The following CARD19 variants were observed in gnomAD, a reference collection of about 807,000 sequenced individuals.
CARD19 encodes caspase recruitment domain family member 19.
A neutral mutation model predicts 24.1 loss-of-function variants in CARD19; 25 were observed. That is an observed-to-expected ratio of 1.04 (90% CI 0.76 to 1.45). The LOEUF is 1.45. CARD19 is among the 40% of genes most tolerant of loss of function. CARD19 has a pLI of 0.00. For synonymous variants in CARD19, 103 were observed against 104.9 expected (o/e 0.98, Z 0.11); for missense variants, 241 against 247.4 (o/e 0.97, Z 0.17).
rs745319673 is a variant in CARD19 at position 93,107,775 on chromosome 9, C to T, written c.109C>T (p.Arg37Cys). 19 of 1,614,216 alleles carry T rather than the reference C, an allele frequency of 1.2e-5. No homozygotes were observed. Among genetic ancestry groups the T allele is most frequent in the Non-Finnish European group, 1.6e-5 (19 of 1,180,042 alleles). Residue 37 changes from arginine (R) to cysteine (C), a missense_variant, in exon 2 of 6, where the codon CGT becomes TGT. Transcript: ENST00000375464. ...QVDRIILQLN[R>C]YYPQILTNKE... ...GGACAGGATCATCCTCCAGCTGAAC[C>T]GTTACTACCCACAGATCCTTACCAA...
rs572489732 is a variant in CARD19 at position 93,106,847 on chromosome 9, G to A, written c.8-827G>A. ...ACAAGCTGCCACAAGTATGTAGGGT[G>A]ATGCACTTGTTCAGTCCCTGTGGGG... On this transcript the variant is annotated intron_variant, in intron 1 of 5. Transcript: ENST00000375464. 5.9e-5 allele frequency among the ~76,000 whole-genome samples: 9 copies of A among 152,258 alleles called. No individual in the cohort carries two copies. In the East Asian group the frequency reaches 1.7e-3, roughly 29 times the overall value.
chr9:93,111,335 A>T, intron 3 of CARD19: 2 of 1,121,838 alleles, frequency 1.8e-6, no homozygotes, highest in Non-Finnish European at 2.2e-6. Context: ...GGGCATATCA[A>T]GTTGAAGATG....
chr9:93,100,968 A>G (rs1209189984), intron 1 of CARD19, among the ~76,000 whole-genome samples: 6 of 152,196 alleles, frequency 3.9e-5, no homozygotes, highest in Non-Finnish European at 7.3e-5. Context: ...TTGATAATTC[A>G]TTCGTCTTTT....
intron 5 of CARD19, 148 bp downstream of exon 5, chr9:93,112,437 G>C (rs369415348): frequency 1.3e-4 from 88 of 680,178 alleles, no homozygotes; most frequent in African/African-American, 9.0e-4. Context: ...ACCTCGCAGG[G>C]CTCCTGAGAA....
chr9:93,106,414 T>TAGAAAAAAAA (rs1827255626), intron 1 of CARD19, among the ~76,000 whole-genome samples: 2 of 102,920 alleles, frequency 1.9e-5, no homozygotes, highest in East Asian at 2.7e-4. Flanking sequence ...CTGTCTCTAC[T>TAGAAAAAAAA]AAAAAAAAAA....
chr9:93,102,233 A>G (rs1564206926), intron 1 of CARD19, among the ~76,000 whole-genome samples: 1 of 151,896 alleles, frequency 6.6e-6, no homozygotes, highest in African/African-American at 2.4e-5. Flanking sequence ...TAGCCTCCCA[A>G]AGTGCTGGGA....
At chr9:93,107,952 C>A in intron 2 of CARD19, 136 bp downstream of exon 2, 1 of 1,198,158 alleles carries the variant, frequency 8.3e-7, no homozygotes, top group Non-Finnish European at 1.2e-6. Flanking sequence ...TCAGAGGTGA[C>A]ACATCTGGAC....
At chr9:93,112,179 A>T in intron 4 of CARD19, 39 bp from the exon 5 acceptor site, 1 of 1,536,534 alleles carries the variant, frequency 6.5e-7, no homozygotes, top group Non-Finnish European at 8.8e-7. Context: ...CACCCCTCTG[A>T]GGCCCAGGGG....
At chr9:93,104,257 G>A (rs1827175237) in intron 1 of CARD19, among the ~76,000 whole-genome samples, 1 of 152,168 alleles carries the variant, frequency 6.6e-6, no homozygotes, top group Non-Finnish European at 1.5e-5. Flanking sequence ...GTATTGGTCT[G>A]TAGTGTTCTT....
intron 1 of CARD19, among the ~76,000 whole-genome samples, chr9:93,100,943 G>A (rs1827055259): frequency 6.6e-6 from 1 of 152,116 alleles, no homozygotes; most frequent in East Asian, 1.9e-4. Flanking sequence ...ATTGTACATA[G>A]GTATATACCA....
intron 2 of CARD19, chr9:93,110,266 A>G (rs1827413938): frequency 2.6e-5 from 9 of 351,294 alleles, no homozygotes; most frequent in Admixed American, 4.4e-5. Flanking sequence ...AAGTGCTGGG[A>G]TTACAGGCAT....
intron 2 of CARD19, 58 bp downstream of exon 2, chr9:93,107,874 G>A: frequency 6.2e-7 from 1 of 1,603,320 alleles, no homozygotes; most frequent in East Asian, 2.2e-5. Context: ...TCCTTTCTGG[G>A]CTGGGAGAAG....
chr9:93,101,044 G>A lies in CARD19; in HGVS notation c.7+4692G>A, dbSNP rs1827059883. On this transcript the variant is annotated intron_variant, in intron 1 of 5. Coordinates refer to ENST00000375464, the MANE Select transcript of CARD19 (RefSeq NM_032310.5). Reference sequence around the variant, plus strand: ...ATAGTGCTGCTATGAAAACCAGTGTGCAAGTATCCATTTGAGTTCCTGCAT... The same window carrying A: ...ATAGTGCTGCTATGAAAACCAGTGTACAAGTATCCATTTGAGTTCCTGCAT... 2.0e-5 allele frequency among the ~76,000 whole-genome samples: 3 copies of A among 150,270 alleles called. No homozygotes were observed. In the South Asian group the frequency reaches 6.3e-4, roughly 32 times the overall value.
chr9:93,111,822 T>A lies in CARD19; in HGVS notation c.305-57T>A. ...AACCTTGGGCTTCCTGCGGGGTGAC[T>A]ACCTTGCCCTCCGGCCCTGCCCGTT... On this transcript the variant is annotated intron_variant, in intron 3 of 5. Coordinates refer to ENST00000375464, the MANE Select transcript of CARD19 (RefSeq NM_032310.5). The A allele has an allele frequency of 5.0e-6, 8 of 1,590,870 alleles. No individual in the cohort carries two copies. The South Asian group carries it at 8.9e-5, about 18-fold the overall frequency.
intron 1 of CARD19, among the ~76,000 whole-genome samples, chr9:93,100,268 AG>A (rs1827029239): frequency 1.3e-5 from 2 of 152,162 alleles, no homozygotes; most frequent in Admixed American, 1.3e-4. Flanking sequence ...TGAACCCAAG[AG>A]GGGGCCCCAC....
At chr9:93,110,950 C>T (rs1250111115) in intron 3 of CARD19, 32 of 1,527,966 alleles carry the variant, frequency 2.1e-5, no homozygotes, top group Non-Finnish European at 2.8e-5. Context: ...CACTTTCTCC[C>T]CCTTCCTCCG....
Position 93,096,311 on chromosome 9 carries a change from C to G in CARD19, c.-35C>G. 4.1e-6 allele frequency: 5 copies of G among 1,225,266 alleles called. No individual in the cohort carries two copies. Among genetic ancestry groups the G allele is most frequent in the Non-Finnish European group, 5.1e-6 (5 of 983,692 alleles). 75.9% of individuals were successfully genotyped at this position (1,225,266 alleles called of 1,614,324 possible). ...GGGGCGGACGCGCGGCGGGGCAGAC[C>G]GCTGGGGACTGCGGGCGGCGCTGTG... On this transcript the variant is annotated 5_prime_UTR_variant, in exon 1 of 6. Transcript: ENST00000375464. The surrounding 1 kb of genome is among the most constrained non-coding windows in gnomAD (Gnocchi z 5.4).
chr9:93,111,780 C>T lies in CARD19; in HGVS notation c.305-99C>T. 3 of 1,537,678 alleles carry T rather than the reference C, an allele frequency of 2.0e-6. No homozygotes were observed. The South Asian group carries it at 3.6e-5, about 18-fold the overall frequency. ...GCCACAGCCTGGTTCGGCCTGGCGG[C>T]CCCAGGAGGCAGCAGCAACCTTGGG... is the stretch of plus-strand genomic sequence containing the variant. On this transcript the variant is annotated intron_variant, in intron 3 of 5. Transcript: ENST00000375464.
chr9:93,104,313 C>T (rs1827177090), intron 1 of CARD19, among the ~76,000 whole-genome samples: 1 of 152,032 alleles, frequency 6.6e-6, no homozygotes, highest in South Asian at 2.1e-4. Context: ...CTGTATTGCC[C>T]AAGTGTGGTC....
Sources: allele counts gnomAD v4.1 joint callset (sites outside exome capture counted in the v4.1 genomes callset), GRCh38; gene constraint gnomAD v4.1.1; non-coding constraint Gnocchi (gnomAD v3.1); transcripts MANE v1.5; gene names NCBI Gene and HGNC (gene_info 2026-07-23, HGNC 2026-07-21).